ITGA2: variants seen among roughly 807,000 people sequenced by gnomAD.
The protein encoded by ITGA2 is integrin alpha-2.
ITGA2 carries 101 observed loss-of-function variants against 146.3 expected under a neutral mutation model. The ratio of observed to expected loss-of-function variants is 0.69; its 90% CI spans 0.59 to 0.81. The LOEUF is 0.81. ITGA2 is among the 40% of genes least tolerant of loss of function. ITGA2 has a pLI of 0.00. For missense variants in ITGA2, 1,281 were observed against 1,402.7 expected, an observed-to-expected ratio of 0.91 and a Z score of 1.39; for synonymous variants, 477 against 487.1, an observed-to-expected ratio of 0.98 and a Z score of 0.27.
At chr5:53,075,416 G>C in intron 23 of ITGA2, 112 bp downstream of exon 23, 1 of 851,178 alleles carries the variant, frequency 1.2e-6, no homozygotes, top group East Asian at 2.6e-5. Flanking sequence ...TGAAGAATTT[G>C]AATTAAAATT....
chr5:53,078,629 G>C, intron 23 of ITGA2, 143 bp from the exon 24 acceptor site: 4 of 641,614 alleles, frequency 6.2e-6, no homozygotes, highest in Non-Finnish European at 1.1e-5. Flanking sequence ...CCATAGGCAA[G>C]CATTTCTTTT....
intron 6 of ITGA2, among the ~76,000 whole-genome samples, chr5:53,049,558 T>G (rs1304146487): frequency 6.6e-6 from 1 of 152,218 alleles, no homozygotes; most frequent in Non-Finnish European, 1.5e-5. Context: ...CTTGCCCTTT[T>G]GCCTACAGAA....
chr5:52,989,814 GCACA>G (rs35389760), intron 1 of ITGA2, among the ~76,000 whole-genome samples: 3 of 145,868 alleles, frequency 2.1e-5, no homozygotes, highest in Admixed American at 6.8e-5. Context: ...GTACACACAC[GCACA>G]CACACACACA....
At position 53,090,010 on chromosome 5, in the gene ITGA2, G is replaced by A; in HGVS notation, c.3413G>A (p.Ser1138Asn). ...AEVPTGVIIG[S>N]IIAGILLLLA... Reference sequence around the variant, plus strand: ...GTACCAACAGGAGTTATAATAGGAAGTATAATTGCTGGAATCCTTTTGCTG... The same window carrying A: ...GTACCAACAGGAGTTATAATAGGAAATATAATTGCTGGAATCCTTTTGCTG... The change falls in exon 29 of 30, where the codon AGT becomes AAT. Residue 1138 changes from serine to asparagine, a missense_variant. Physicochemically the swap from Ser to Asn is conservative, Grantham distance 46. Around this residue, in one of 3 missense-constraint regions of ITGA2, gnomAD observed 475 missense variants for 530.5 expected, o/e 0.90. Transcript: ENST00000296585. The A allele has an allele frequency of 6.2e-7, 1 of 1,613,546 alleles. No homozygotes were observed. The highest frequency in any genetic ancestry group is 8.5e-7 in the Non-Finnish European group (1 of 1,179,518).
At chr5:53,022,057 A>G (rs1410241663) in intron 1 of ITGA2, among the ~76,000 whole-genome samples, 1 of 152,262 alleles carries the variant, frequency 6.6e-6, no homozygotes, top group African/African-American at 2.4e-5. Context: ...TTACTACAAA[A>G]TGCATCCTTT....
At chr5:53,089,211 C>T (rs1740287812) in intron 28 of ITGA2, 1 of 152,202 alleles carries the variant, frequency 6.6e-6, no homozygotes, top group South Asian at 2.1e-4. Flanking sequence ...ATATTATCCT[C>T]TTCTTTTGCT....
Position 52,993,904 on chromosome 5 carries a change from G to A in ITGA2, c.64+4372G>A, listed in dbSNP as rs186822854. Among the ~76,000 whole-genome samples the A allele has an allele frequency of 6.5e-4, 99 of 152,258 alleles. No individual in the cohort carries two copies. In the East Asian group the frequency reaches 7.9e-3, roughly 12 times the overall value. ...ACAAGAGAAACCATGAAAGATCACC[G>A]CTCTGATTGGCAAGTGAAAGAAATG... On this transcript the variant is annotated intron_variant, in intron 1 of 29. Transcript: ENST00000296585.
intron 4 of ITGA2, among the ~76,000 whole-genome samples, chr5:53,045,988 C>T (rs549648277): frequency 1.3e-5 from 2 of 151,578 alleles, no homozygotes; most frequent in East Asian, 1.9e-4. Context: ...GTCAGGATTT[C>T]GAGACCAGCC....
chr5:53,069,333 T>C (rs779943001), intron 16 of ITGA2, among the ~76,000 whole-genome samples: 25 of 151,816 alleles, frequency 1.6e-4, no homozygotes, highest in Non-Finnish European at 3.2e-4. Flanking sequence ...GAAACAGAGG[T>C]TCAAAGAGGG....
intron 1 of ITGA2, among the ~76,000 whole-genome samples, chr5:52,994,881 T>TA (rs1478093839): frequency 1.3e-5 from 2 of 152,200 alleles, no homozygotes; most frequent in African/African-American, 4.8e-5. Flanking sequence ...ATCATTGTGA[T>TA]ACATTGAAGT....
intron 2 of ITGA2, among the ~76,000 whole-genome samples, chr5:53,032,320 T>C (rs1743264227): frequency 6.6e-6 from 1 of 152,140 alleles, no homozygotes; most frequent in Admixed American, 6.6e-5. Flanking sequence ...AAAGTTTAAT[T>C]CTATAACAGA....
chr5:52,999,098 A>G (rs935569773), intron 1 of ITGA2, among the ~76,000 whole-genome samples: 1 of 152,154 alleles, frequency 6.6e-6, no homozygotes, highest in African/African-American at 2.4e-5. Context: ...GACAGTACAG[A>G]TATCATTTTT....
Position 53,048,631 on chromosome 5 carries a change from T to G in ITGA2, c.503-12T>G, listed in dbSNP as rs1561121585. On this transcript the variant is annotated splice_polypyrimidine_tract_variant and intron_variant, in intron 5 of 29. Coordinates refer to ENST00000296585, the MANE Select transcript of ITGA2 (RefSeq NM_002203.4). ...CTGTGGAAATCTGCTTCTTTCCTCT[T>G]TTCCTGTGTAGCCTGCCCTTCCCTC... 1 of 1,614,156 alleles carries G rather than the reference T, an allele frequency of 6.2e-7. No homozygotes were observed. Among genetic ancestry groups the G allele is most frequent in the Admixed American group, 1.7e-5 (1 of 60,030 alleles).
intron 1 of ITGA2, among the ~76,000 whole-genome samples, chr5:52,994,712 C>G (rs886253714): frequency 6.6e-6 from 1 of 152,042 alleles, no homozygotes; most frequent in African/African-American, 2.4e-5. Flanking sequence ...TATAGTATGT[C>G]TTGGTGTCTT....
chr5:53,046,035 G>T (rs1359686970), intron 4 of ITGA2, among the ~76,000 whole-genome samples: 1 of 151,106 alleles, frequency 6.6e-6, no homozygotes, highest in Admixed American at 6.6e-5. Context: ...TCCTAAAAAT[G>T]CAAAAATCAG....
rs977949908 is a variant in ITGA2 at position 53,070,135 on chromosome 5, G to A, written c.2110G>A (p.Ala704Thr). The A allele has an allele frequency of 1.9e-6, 3 of 1,610,902 alleles. No homozygotes were observed. The highest frequency in any genetic ancestry group is 2.7e-5 in the African/African-American group (2 of 74,676). The change falls in exon 17 of 30, where the codon GCA becomes ACA. Residue 704 changes from alanine to threonine, a missense_variant. By Grantham distance (58) the Ala-to-Thr change is moderately conservative (BLOSUM62 0). Coordinates refer to ENST00000296585, the MANE Select transcript of ITGA2 (RefSeq NM_002203.4). ...CATTGTATATAACATCACACTTGAT[G>A]CAGATGGATTTTCATCCAGAGTAAC... The part of the protein sequence containing the change: ...VAIVYNITLD[A>T]DGFSSRVTSR...
chr5:53,065,778 A>G (rs751772395), intron 14 of ITGA2, 63 bp from the exon 15 acceptor site: 75 of 1,606,868 alleles, frequency 4.7e-5, no homozygotes, highest in Non-Finnish European at 6.3e-5. Context: ...TGAAATTCAG[A>G]GGCTGCCATT....
At chr5:53,050,464 G>GA (rs1744302351) in intron 6 of ITGA2, among the ~76,000 whole-genome samples, 3 of 152,058 alleles carry the variant, frequency 2.0e-5, no homozygotes, top group African/African-American at 7.2e-5. Context: ...TAGAGAAAGG[G>GA]GTCCAGGAAT....
chr5:53,077,809 C>A (rs1745729410), intron 23 of ITGA2, among the ~76,000 whole-genome samples: 1 of 151,908 alleles, frequency 6.6e-6, no homozygotes, highest in Non-Finnish European at 1.5e-5. Context: ...AGTAAAGAAA[C>A]CCAAAAAATT....
Sources: allele counts gnomAD v4.1 joint callset (sites outside exome capture counted in the v4.1 genomes callset), GRCh38; gene constraint gnomAD v4.1.1; regional missense constraint gnomAD v4.1.1; transcripts MANE v1.5; gene names NCBI Gene and HGNC (gene_info 2026-07-23, HGNC 2026-07-21).